PTPRB: variants seen among roughly 807,000 people sequenced by gnomAD.
PTPRB encodes protein tyrosine phosphatase receptor type B.
In PTPRB, 97 loss-of-function variants were observed where a neutral mutation model predicts 238.1. The observed-to-expected ratio is 0.41, with a 90% confidence interval of 0.35 to 0.48. PTPRB has a LOEUF of 0.48. Among genes scored for constraint, PTPRB ranks in the 20% least tolerant of loss-of-function variants. The pLI is 0.30. For synonymous variants in PTPRB, 970 were observed against 995.4 expected, an observed-to-expected ratio of 0.97 and a Z score of 0.48; for missense variants, 2,292 against 2,681.9, an observed-to-expected ratio of 0.85 and a Z score of 3.21.
intron 2 of PTPRB, among the ~76,000 whole-genome samples, chr12:70,625,749 T>A (rs986186146): frequency 6.6e-6 from 1 of 152,182 alleles, no homozygotes; most frequent in African/African-American, 2.4e-5. Flanking sequence ...TGGAACAATA[T>A]GTGAAAGCTA....
intron 2 of PTPRB, among the ~76,000 whole-genome samples, chr12:70,628,151 A>G (rs1469675716): frequency 1.3e-5 from 2 of 152,148 alleles, no homozygotes; most frequent in Admixed American, 1.3e-4. Flanking sequence ...GCCTACAAAT[A>G]TTTGCCTGCT....
intron 15 of PTPRB, among the ~76,000 whole-genome samples, chr12:70,563,728 A>T (rs1878824958): frequency 6.6e-6 from 1 of 152,080 alleles, no homozygotes; most frequent in Admixed American, 6.6e-5. Flanking sequence ...CTCAATACAC[A>T]GCTGAACTCT....
intron 14 of PTPRB, among the ~76,000 whole-genome samples, chr12:70,567,472 A>AT (rs1879454553): frequency 2.0e-5 from 3 of 152,208 alleles, no homozygotes; most frequent in Admixed American, 6.5e-5. Flanking sequence ...TTCAAGTCAG[A>AT]AACTTCAGTT....
At chr12:70,528,982 G>T (rs1872788852) in intron 32 of PTPRB, among the ~76,000 whole-genome samples, 2 of 151,954 alleles carry the variant, frequency 1.3e-5, no homozygotes, top group Admixed American at 1.3e-4. Context: ...GATCCATCTG[G>T]TAGGCGGGCA....
At chr12:70,580,080 C>CAT (rs34566523) in intron 10 of PTPRB, among the ~76,000 whole-genome samples, 8,883 of 151,766 alleles carry the variant, frequency 0.059, 556 homozygotes, top group East Asian at 0.26. Context: ...TTTTATATAT[C>CAT]ATATATATTA....
At position 70,564,835 on chromosome 12, in the gene PTPRB, AAAATAAT is replaced by A. The variant is rs148853329; in HGVS notation, c.3904+1593_3904+1599del. Among the ~76,000 whole-genome samples the A allele has an allele frequency of 4.6e-3, 164 of 35,924 alleles. 2 individuals are homozygous for A. The highest frequency in any genetic ancestry group is 0.012 in the Middle Eastern group (1 of 86). The allele number at this position is 35,924 out of a possible 152,430, so 23.6% of individuals were successfully genotyped here. On this transcript the variant is annotated intron_variant, in intron 15 of 33. Coordinates refer to ENST00000334414, the MANE Select transcript of PTPRB (RefSeq NM_001109754.4). ...GTGCCAGAGCGAGGTTCTGTCTCCA[AAAATAAT>A]AAATAATAATAATAATAATAATAAT...
rs189605212 is a variant in PTPRB, at chr12:70,571,072, C to T, written c.3324G>A (p.Thr1108=). The T allele has an allele frequency of 2.7e-5, 44 of 1,614,002 alleles. No homozygotes were observed. The highest frequency in any genetic ancestry group is 1.8e-4 in the South Asian group (16 of 91,078). The change falls in exon 13 of 34, where the codon ACG becomes ACA. Residue 1108 remains threonine, a synonymous_variant. Transcript: ENST00000334414. ...PGRQYKILVL[T]ISGDVQQSAF... ...CTGACTGCTGTACATCCCCGCTAAT[C>T]GTCAAGACAAGAATTTTGTATTGGC...
At position 70,517,445 on chromosome 12, in the gene PTPRB, A is replaced by G. The variant is rs1871279710; in HGVS notation, c.*4044T>C. The G allele has an allele frequency of 1.3e-5, 2 of 152,222 alleles. No homozygotes were observed. Among genetic ancestry groups the G allele is most frequent in the Non-Finnish European group, 2.9e-5 (2 of 68,046 alleles). The allele number at this position is 152,222 out of a possible 1,614,324, so 9.4% of individuals were successfully genotyped here. ...TACAGATTTTCCTTTGATAGGGAAC[A>G]TTCTTTGAATACCTGATGTAATTCT... On this transcript the variant is annotated 3_prime_UTR_variant, in exon 34 of 34. Coordinates refer to ENST00000334414, the MANE Select transcript of PTPRB (RefSeq NM_001109754.4).
chr12:70,564,285 G>T (rs978412615), intron 15 of PTPRB, among the ~76,000 whole-genome samples: 1 of 152,114 alleles, frequency 6.6e-6, no homozygotes, highest in East Asian at 1.9e-4. Flanking sequence ...GCTGAGGAGG[G>T]TGGATCACCT....
intron 4 of PTPRB, among the ~76,000 whole-genome samples, chr12:70,608,136 T>C (rs940589394): frequency 1.3e-5 from 2 of 152,212 alleles, no homozygotes; most frequent in African/African-American, 4.8e-5. Context: ...TGTGAAAGAA[T>C]ACTAAGGGCA....
intron 2 of PTPRB, among the ~76,000 whole-genome samples, chr12:70,630,095 G>A (rs1885379178): frequency 6.6e-6 from 1 of 151,638 alleles, no homozygotes; most frequent in Non-Finnish European, 1.5e-5. Context: ...TGATACCAAA[G>A]CCTGGCAGAG....
At chr12:70,615,696 A>G (rs191996432) in intron 3 of PTPRB, among the ~76,000 whole-genome samples, 135 of 152,300 alleles carry the variant, frequency 8.9e-4, no homozygotes, top group Non-Finnish European at 1.1e-3. Flanking sequence ...TCCCAGATGA[A>G]CCCAGTTGAG....
chr12:70,544,521 G>A, intron 22 of PTPRB, 36 bp downstream of exon 22: 1 of 1,390,108 alleles, frequency 7.2e-7, no homozygotes, highest in East Asian at 2.3e-5. Flanking sequence ...AGGTGACATG[G>A]CAGTTGGTAG....
At chr12:70,615,071 C>T (rs1237475802) in intron 3 of PTPRB, among the ~76,000 whole-genome samples, 2 of 152,144 alleles carry the variant, frequency 1.3e-5, no homozygotes, top group Non-Finnish European at 2.9e-5. Context: ...ATGTATAGTA[C>T]AGTTCCTGTC....
rs558030448 is a variant in PTPRB at position 70,518,792 on chromosome 12, T to C, written c.*2697A>G. On this transcript the variant is annotated 3_prime_UTR_variant, in exon 34 of 34. Transcript: ENST00000334414. ...GTTAATTATAACGAACTTGGAAAAA[T>C]AATTATTAAGATGCTAGATGGGACT... The C allele has an allele frequency of 1.3e-5, 2 of 151,884 alleles. No individual in the cohort carries two copies. Among genetic ancestry groups the C allele is most frequent in the African/African-American group, 2.4e-5 (1 of 41,470 alleles). 9.4% of individuals were successfully genotyped at this position (151,884 alleles called of 1,614,324 possible).
At chr12:70,627,338 G>A (rs563945544) in intron 2 of PTPRB, among the ~76,000 whole-genome samples, 96 of 152,208 alleles carry the variant, frequency 6.3e-4, no homozygotes, top group African/African-American at 1.7e-3. Context: ...CTTGGCGTGC[G>A]CAGGACTGAC....
At chr12:70,532,774 T>A (rs948177518) in intron 31 of PTPRB, among the ~76,000 whole-genome samples, 4 of 152,012 alleles carry the variant, frequency 2.6e-5, no homozygotes, top group Admixed American at 2.0e-4. Flanking sequence ...CCTGAGTAGC[T>A]GGGACCACAG....
chr12:70,591,647 T>C (rs1282503153), intron 7 of PTPRB: 1 of 152,306 alleles, frequency 6.6e-6, no homozygotes, highest in Non-Finnish European at 1.5e-5. Context: ...GACAATTTTT[T>C]CTGTAAGGAT....
intron 3 of PTPRB, among the ~76,000 whole-genome samples, chr12:70,619,830 T>C (rs531610211): frequency 6.6e-6 from 1 of 152,370 alleles, no homozygotes; most frequent in Non-Finnish European, 1.5e-5. Context: ...CTTATACTTT[T>C]CTAGGCATCC....
Sources: gnomAD v4.1 joint callset for allele counts (sites outside exome capture counted in the v4.1 genomes callset) on GRCh38, gnomAD v4.1.1 for gene constraint, MANE v1.5 for transcripts, NCBI Gene and HGNC (gene_info 2026-07-23, HGNC 2026-07-21) for gene names.